A3GALT2: variants seen among roughly 807,000 people sequenced by gnomAD.
A3GALT2 encodes the protein alpha 1,3-galactosyltransferase 2, also known as alpha-1,3-galactosyltransferase 2.
A neutral mutation model predicts 16.6 loss-of-function variants in A3GALT2; 14 were observed. The ratio of observed to expected loss-of-function variants is 0.84; its 90% CI spans 0.56 to 1.32. The LOEUF is 1.32. Among genes scored for constraint, A3GALT2 ranks in the 40% most tolerant of loss-of-function variants. The pLI is 0.00. For missense variants in A3GALT2, 600 were observed against 490.9 expected, an observed-to-expected ratio of 1.22 and a Z score of -2.10; for synonymous variants, 253 against 218.0, an observed-to-expected ratio of 1.16 and a Z score of -1.42.
intron 4 of A3GALT2, among the ~76,000 whole-genome samples, chr1:33,308,144 A>G (rs1459903536): frequency 7.1e-6 from 1 of 141,504 alleles, no homozygotes; most frequent in Admixed American, 7.2e-5. Flanking sequence ...TAGATGGGGC[A>G]GGGCAGGTTG....
intron 4 of A3GALT2, 150 bp from the exon 5 acceptor site, chr1:33,307,603 T>G: frequency 4.0e-6 from 1 of 252,334 alleles, no homozygotes; most frequent in Non-Finnish European, 6.4e-6. Context: ...CCCCACCTCA[T>G]CCCACCCCTC....
intron 1 of A3GALT2, among the ~76,000 whole-genome samples, chr1:33,315,314 G>T (rs1029256029): frequency 6.6e-6 from 1 of 151,514 alleles, no homozygotes; most frequent in African/African-American, 2.4e-5. Context: ...CTTGGGAGGC[G>T]GAGGTTGCAG....
intron 4 of A3GALT2, among the ~76,000 whole-genome samples, chr1:33,310,852 G>A (rs952145638): frequency 5.3e-5 from 8 of 152,218 alleles, no homozygotes; most frequent in African/African-American, 1.7e-4. Context: ...CATGTGTGAT[G>A]GAAGTGGGAG....
rs1646283175 is a variant in A3GALT2, at chr1:33,320,924, G to A, written c.23+152C>T. 6.6e-6 allele frequency among the ~76,000 whole-genome samples: 1 copy of A among 151,930 alleles called. No individual in the cohort carries two copies. ...TCTCCTGGGGCAATGTCCCCTCTCGGAGCCACCTTTCCCCAGGACTGGAGG... is the reference window on the plus strand; with the variant it reads ...TCTCCTGGGGCAATGTCCCCTCTCGAAGCCACCTTTCCCCAGGACTGGAGG... On this transcript the variant is annotated intron_variant, in intron 1 of 4. Transcript: ENST00000442999. This position sits in a 1 kb window ranked among gnomAD's most constrained non-coding sequence, Gnocchi z 4.3.
At chr1:33,308,750 G>GTTGTT (rs1646216251) in intron 4 of A3GALT2, among the ~76,000 whole-genome samples, 8 of 46,126 alleles carry the variant, frequency 1.7e-4, no homozygotes, top group Admixed American at 4.8e-4. Context: ...TGTCAAAGTT[G>GTTGTT]TTTTTTTTTT....
intron 1 of A3GALT2, among the ~76,000 whole-genome samples, chr1:33,318,486 G>C (rs1198679016): frequency 6.6e-6 from 1 of 151,910 alleles, no homozygotes; most frequent in Non-Finnish European, 1.5e-5. Context: ...CCAAGTTGTT[G>C]CTTTTGCCTC....
intron 4 of A3GALT2, among the ~76,000 whole-genome samples, chr1:33,310,268 G>T (rs376145594): frequency 4.6e-5 from 7 of 152,266 alleles, no homozygotes; most frequent in African/African-American, 1.7e-4. Context: ...GTCCAGCCTC[G>T]GCTCGGCATC....
chr1:33,307,043 C>T lies in A3GALT2; in HGVS notation c.746G>A (p.Gly249Asp). The change falls in exon 5 of 5, where the codon GGC becomes GAC. Residue 249 changes from glycine to aspartate, a missense_variant. Coordinates refer to ENST00000442999, the MANE Select transcript of A3GALT2 (RefSeq NM_001080438.1). ...CACCGCCGCGTGGTTATAGAAGTCG[C>T]CCTGGCCCCACGCCATCGCGGCGGC... ...HSAAAMAWGQ[G>D]DFYNHAAVFG... 3 of 1,502,644 alleles carry T rather than the reference C, an allele frequency of 2.0e-6. No homozygotes were observed. The highest frequency in any genetic ancestry group is 3.4e-4 in the Middle Eastern group (2 of 5,844). The allele number at this position is 1,502,644 out of a possible 1,614,324, so 93.1% of individuals were successfully genotyped here. A position where few individuals can be genotyped will look rare whatever the true frequency, so the allele number is the denominator to read the frequency against.
At chr1:33,318,474 A>G (rs994063843) in intron 1 of A3GALT2, among the ~76,000 whole-genome samples, 1 of 151,682 alleles carries the variant, frequency 6.6e-6, no homozygotes, top group African/African-American at 2.4e-5. Context: ...CTCTCCCGAC[A>G]GCCAAGTTGT....
Position 33,307,056 on chromosome 1 carries a change from C to T in A3GALT2, c.733G>A (p.Ala245Thr). The stretch of plus-strand genomic sequence containing the variant: ...TTATAGAAGTCGCCCTGGCCCCACG[C>T]CATCGCGGCGGCCGAATGCGCGTCG... ...ERDAHSAAAM[A>T]WGQGDFYNHA... Residue 245 changes from alanine to threonine, a missense_variant, in exon 5 of 5, where the codon GCG (alanine) becomes ACG (threonine). Coordinates refer to ENST00000442999, the MANE Select transcript of A3GALT2 (RefSeq NM_001080438.1). 1.3e-6 allele frequency: 2 copies of T among 1,513,422 alleles called. No homozygotes were observed. The highest frequency in any genetic ancestry group is 1.4e-5 in the African/African-American group (1 of 69,800). 93.7% of individuals were successfully genotyped at this position (1,513,422 alleles called of 1,614,324 possible). A position where few individuals can be genotyped will look rare whatever the true frequency, so the allele number is the denominator to read the frequency against.
intron 1 of A3GALT2, among the ~76,000 whole-genome samples, chr1:33,315,738 G>A (rs1441018556): frequency 1.3e-5 from 2 of 152,202 alleles, no homozygotes; most frequent in African/African-American, 4.8e-5. Flanking sequence ...TCTGTTCAAA[G>A]GAGATAATCT....
rs10662364 is a variant in A3GALT2, at chr1:33,313,175, GTT to G, written c.24-287_24-286del. 393 of 90,570 alleles carry G rather than the reference GTT, an allele frequency of 4.3e-3. 36 individuals carry two copies. Among genetic ancestry groups the G allele is most frequent in the South Asian group, 0.011 (45 of 4,070 alleles). The allele number at this position is 90,570 out of a possible 1,614,324, so 5.6% of individuals were successfully genotyped here. On this transcript the variant is annotated intron_variant, in intron 1 of 4. Transcript: ENST00000442999. ...CAAGTGTTTGTGGCTCAGTGACGGAGTTTTTTTTTTTTTTTTTTTTTTTTTTG... is the reference window on the plus strand; with the variant it reads ...CAAGTGTTTGTGGCTCAGTGACGGAGTTTTTTTTTTTTTTTTTTTTTTTTG...
chr1:33,310,032 G>A (rs1207798460), intron 4 of A3GALT2, among the ~76,000 whole-genome samples: 1 of 152,250 alleles, frequency 6.6e-6, no homozygotes, highest in Admixed American at 6.5e-5. Flanking sequence ...CTGAGTGAGC[G>A]AGACTCCGTC....
intron 4 of A3GALT2, among the ~76,000 whole-genome samples, chr1:33,310,443 A>T (rs1180222579): frequency 6.6e-6 from 1 of 152,220 alleles, no homozygotes; most frequent in Non-Finnish European, 1.5e-5. Flanking sequence ...CTATATAGAT[A>T]ACGAGGCTGC....
At chr1:33,318,790 C>G (rs1646272187) in intron 1 of A3GALT2, among the ~76,000 whole-genome samples, 1 of 152,198 alleles carries the variant, frequency 6.6e-6, no homozygotes, top group African/African-American at 2.4e-5. Flanking sequence ...TGCCTCTGTC[C>G]CTTTCCCAGA....
At chr1:33,311,962 CAG>C in intron 4 of A3GALT2, 88 bp downstream of exon 4, 2 of 1,542,066 alleles carry the variant, frequency 1.3e-6, no homozygotes, top group Middle Eastern at 1.7e-4. Context: ...TCCCATGGCA[CAG>C]GGGAGCAGGG....
At chr1:33,308,056 C>T (rs1397100139) in intron 4 of A3GALT2, among the ~76,000 whole-genome samples, 1 of 50,442 alleles carries the variant, frequency 2.0e-5, no homozygotes, top group African/African-American at 1.0e-4. Context: ...ACCTTACCCC[C>T]ACCCCACCAG....
At chr1:33,307,516 C>G (rs1646201519) in intron 4 of A3GALT2, 63 bp from the exon 5 acceptor site, 1 of 1,345,758 alleles carries the variant, frequency 7.4e-7, no homozygotes, top group East Asian at 2.9e-5. Flanking sequence ...CTCCCCACCT[C>G]ATCTCACCTC....
At chr1:33,315,929 G>A (rs1646259215) in intron 1 of A3GALT2, among the ~76,000 whole-genome samples, 1 of 151,912 alleles carries the variant, frequency 6.6e-6, no homozygotes, top group Non-Finnish European at 1.5e-5. Context: ...GGGTGTAGTT[G>A]GGCGGGGGGG....
Sources: gnomAD v4.1 joint callset for allele counts (sites outside exome capture counted in the v4.1 genomes callset) on GRCh38, gnomAD v4.1.1 for gene constraint, Gnocchi (gnomAD v3.1) non-coding constraint, MANE v1.5 for transcripts, NCBI Gene and HGNC (gene_info 2026-07-23, HGNC 2026-07-21) for gene names.